NPFFR2: variants seen among roughly 807,000 people sequenced by gnomAD.
NPFFR2 encodes neuropeptide FF receptor 2, also known as G-protein coupled receptor 74.
A neutral mutation model predicts 13.1 loss-of-function variants in NPFFR2; 15 were observed. The ratio of observed to expected loss-of-function variants is 1.15; its 90% CI spans 0.77 to 1.76. The LOEUF (loss-of-function observed/expected upper bound fraction) is 1.76, where lower values mean the gene tolerates loss of function less well. NPFFR2 is among the 40% of genes most tolerant of loss of function. The pLI is 0.00. For missense variants in NPFFR2, 572 were observed against 503.5 expected (o/e 1.14, Z -1.30); for synonymous variants, 190 against 175.7 (o/e 1.08, Z -0.65).
intron 1 of NPFFR2, among the ~76,000 whole-genome samples, chr4:72,060,275 A>G (rs927789771): frequency 2.6e-5 from 4 of 152,090 alleles, no homozygotes; most frequent in African/African-American, 9.7e-5. Context: ...TCCCATTAGA[A>G]TAAGCACACC....
chr4:72,067,235 C>T (rs1421726291), intron 1 of NPFFR2, among the ~76,000 whole-genome samples: 4 of 152,112 alleles, frequency 2.6e-5, no homozygotes, highest in Non-Finnish European at 5.9e-5. Context: ...CCGAGTTCTA[C>T]CTGGCCCACT....
chr4:72,054,505 A>G (rs778401059), intron 1 of NPFFR2, among the ~76,000 whole-genome samples: 4 of 152,004 alleles, frequency 2.6e-5, no homozygotes, highest in Non-Finnish European at 2.9e-5. Context: ...ATGTAAACAT[A>G]TAAGCTAAAA....
At chr4:72,039,344 C>G (rs531794919) in intron 1 of NPFFR2, 63 of 974,440 alleles carry the variant, frequency 6.5e-5, no homozygotes, top group Non-Finnish European at 7.6e-5. Context: ...AGGCGTGAGC[C>G]ACCGCGCCCG....
At chr4:72,039,689 G>A (rs1404730354) in intron 1 of NPFFR2, among the ~76,000 whole-genome samples, 1 of 152,032 alleles carries the variant, frequency 6.6e-6, no homozygotes, top group African/African-American at 2.4e-5. Context: ...GTTTCCAGAG[G>A]TTTCTATCTT....
chr4:72,072,058 C>T (rs1720273085), intron 1 of NPFFR2, among the ~76,000 whole-genome samples: 1 of 152,050 alleles, frequency 6.6e-6, no homozygotes, highest in Admixed American at 6.6e-5. Flanking sequence ...TAGCCTACAA[C>T]AATCAAGAAA....
intron 2 of NPFFR2, among the ~76,000 whole-genome samples, chr4:72,135,941 TA>T (rs2109841568): frequency 6.6e-6 from 1 of 152,262 alleles, no homozygotes; most frequent in South Asian, 2.1e-4. Flanking sequence ...GCATTTGGGA[TA>T]TCCATCACCT....
chr4:72,118,473 A>G (rs1391793615), intron 1 of NPFFR2, among the ~76,000 whole-genome samples: 1 of 152,194 alleles, frequency 6.6e-6, no homozygotes, highest in Non-Finnish European at 1.5e-5. Context: ...AAAGTCACGC[A>G]GGTATTAATC....
chr4:72,048,006 A>T (rs1048552279), intron 1 of NPFFR2, among the ~76,000 whole-genome samples: 2 of 152,098 alleles, frequency 1.3e-5, no homozygotes, highest in African/African-American at 2.4e-5. Context: ...CATTACAGGG[A>T]GATGGCTAAC....
Position 72,134,343 on chromosome 4 carries a change from C to CT in NPFFR2, c.329-3688dup, listed in dbSNP as rs201329394. On this transcript the variant is annotated intron_variant, in intron 2 of 3. Transcript: ENST00000308744. ...AGGCAGCCACCTTCAGCAATTTTTG[C>CT]TTTTTTTTTGTAATTACTACTATAT... 9.8e-3 allele frequency among the ~76,000 whole-genome samples: 1,488 copies of CT among 151,140 alleles called. 29 individuals carry two copies. Among genetic ancestry groups the CT allele is most frequent in the African/African-American group, 0.034 (1,407 of 41,182 alleles).
At chr4:72,145,002 C>T (rs953686884) in intron 3 of NPFFR2, among the ~76,000 whole-genome samples, 1 of 152,088 alleles carries the variant, frequency 6.6e-6, no homozygotes, top group Non-Finnish European at 1.5e-5. Flanking sequence ...AATGATCCTG[C>T]CTTTTACAAT....
chr4:72,038,901 CTTTCTTTTTTTTTT>C (rs1445898868), intron 1 of NPFFR2, among the ~76,000 whole-genome samples: 18 of 86,972 alleles, frequency 2.1e-4, no homozygotes, highest in African/African-American at 6.0e-4. Flanking sequence ...TTTAAATTTC[CTTTCTTTTTTTTTT>C]TTTTTTTTTT....
chr4:72,135,556 C>A (rs1323625323), intron 2 of NPFFR2, among the ~76,000 whole-genome samples: 1 of 151,900 alleles, frequency 6.6e-6, no homozygotes, highest in African/African-American at 2.4e-5. Context: ...TTATTTTCTG[C>A]ATATTTCTGT....
chr4:72,036,016 C>T (rs1237623153), intron 1 of NPFFR2, among the ~76,000 whole-genome samples: 2 of 152,094 alleles, frequency 1.3e-5, no homozygotes, highest in African/African-American at 4.8e-5. Context: ...TGGTTGCATT[C>T]CCACAAAATT....
At chr4:72,137,277 C>T (rs1189428202) in intron 2 of NPFFR2, among the ~76,000 whole-genome samples, 1 of 152,104 alleles carries the variant, frequency 6.6e-6, no homozygotes, top group Admixed American at 6.5e-5. Flanking sequence ...CTGAGAAATG[C>T]ATAATATTCA....
At chr4:72,050,170 A>G (rs192913500) in intron 1 of NPFFR2, among the ~76,000 whole-genome samples, 1 of 152,176 alleles carries the variant, frequency 6.6e-6, no homozygotes, top group Admixed American at 6.6e-5. Flanking sequence ...GAGATTTTCC[A>G]TGTTAGTGAA....
intron 1 of NPFFR2, among the ~76,000 whole-genome samples, chr4:72,099,841 G>C (rs1437612639): frequency 1.3e-5 from 2 of 151,962 alleles, no homozygotes; most frequent in East Asian, 1.9e-4. Flanking sequence ...ACTATCCCTA[G>C]AGAACAGACA....
intron 1 of NPFFR2, among the ~76,000 whole-genome samples, chr4:72,121,224 A>G (rs2109827714): frequency 6.6e-6 from 1 of 152,282 alleles, no homozygotes; most frequent in East Asian, 1.9e-4. Flanking sequence ...AGGAACAAAC[A>G]AAGCCTCCAA....
rs1365566732 is a variant in NPFFR2 at position 72,128,649 on chromosome 4, A to G, written c.58A>G (p.Asn20Asp). 6.2e-7 allele frequency: 1 copy of G among 1,613,704 alleles called. No homozygotes were observed. The highest frequency in any genetic ancestry group is 1.7e-5 in the Admixed American group (1 of 60,026). Residue 20 changes from asparagine to aspartate, a missense_variant, in exon 2 of 4, where the codon AAT (asparagine) becomes GAT (aspartate). Transcript: ENST00000308744. ...SENWHPIWNV[N>D]DTKHHLYSDI... Reference sequence around the variant, plus strand: ...AAACTGGCATCCCATCTGGAATGTCAATGACACAAAGCATCATCTGTACTC... The same window carrying G: ...AAACTGGCATCCCATCTGGAATGTCGATGACACAAAGCATCATCTGTACTC...
chr4:72,081,390 C>T (rs554178500), intron 1 of NPFFR2, among the ~76,000 whole-genome samples: 1 of 152,166 alleles, frequency 6.6e-6, no homozygotes, highest in South Asian at 2.1e-4. Context: ...TATAAAAATT[C>T]CATATTCCAT....
Sources: allele counts gnomAD v4.1 joint callset (sites outside exome capture counted in the v4.1 genomes callset), GRCh38; gene constraint gnomAD v4.1.1; transcripts MANE v1.5; gene names NCBI Gene and HGNC (gene_info 2026-07-23, HGNC 2026-07-21).